GPAT4: variants seen among roughly 807,000 people sequenced by gnomAD.
GPAT4 encodes the protein glycerol-3-phosphate acyltransferase 4, also known as 1-AGP acyltransferase 6.
GPAT4 carries 17 observed loss-of-function variants against 58.0 expected under a neutral mutation model. The ratio of observed to expected loss-of-function variants is 0.29; its 90% CI spans 0.20 to 0.44. GPAT4 has a LOEUF of 0.44. GPAT4 is among the 20% of genes least tolerant of loss of function. The pLI, the probability that GPAT4 is intolerant of heterozygous loss-of-function variation, is 1.00. For missense variants in GPAT4, 377 were observed against 574.5 expected (o/e 0.66, Z 3.51); for synonymous variants, 204 against 210.1 (o/e 0.97, Z 0.25).
At chr8:41,606,580 C>T (rs554758426) in intron 2 of GPAT4, among the ~76,000 whole-genome samples, 184 of 152,204 alleles carry the variant, frequency 1.2e-3, no homozygotes, top group African/African-American at 3.3e-3. Context: ...AAAGAAAAGA[C>T]GTACAAATTT....
chr8:41,608,319 A>G (rs965525228), intron 2 of GPAT4, among the ~76,000 whole-genome samples: 2 of 152,242 alleles, frequency 1.3e-5, no homozygotes, highest in African/African-American at 4.8e-5. Flanking sequence ...GGCCACGTGC[A>G]TCTTCCCATG....
At chr8:41,601,317 T>C (rs376499792) in intron 2 of GPAT4, among the ~76,000 whole-genome samples, 14 of 151,880 alleles carry the variant, frequency 9.2e-5, no homozygotes, top group Non-Finnish European at 1.9e-4. Flanking sequence ...ATTTGAGGAG[T>C]AGTGATCTAG....
At position 41,611,897 on chromosome 8, in the gene GPAT4, T is replaced by C. The variant is rs759078357; in HGVS notation, c.612-6T>C. ...AAAACCCAGAATCCTTGTCCTGTTATTGCAGGTTTAAGGAGTTCATGAGTA... is the reference window on the plus strand; with the variant it reads ...AAAACCCAGAATCCTTGTCCTGTTACTGCAGGTTTAAGGAGTTCATGAGTA... On this transcript the variant is annotated splice_polypyrimidine_tract_variant and splice_region_variant and intron_variant, in intron 5 of 12. Coordinates refer to ENST00000396987, the MANE Select transcript of GPAT4 (RefSeq NM_178819.4). 3 of 1,613,796 alleles carry C rather than the reference T, an allele frequency of 1.9e-6. No individual in the cohort carries two copies. Among genetic ancestry groups the C allele is most frequent in the African/African-American group, 1.3e-5 (1 of 75,058 alleles).
At chr8:41,586,989 T>C (rs1802670684) in intron 1 of GPAT4, among the ~76,000 whole-genome samples, 1 of 152,194 alleles carries the variant, frequency 6.6e-6, no homozygotes, top group Admixed American at 6.5e-5. Flanking sequence ...GGAGAACCAG[T>C]GCAGCCTTTA....
At position 41,611,907 on chromosome 8, in the gene GPAT4, A is replaced by G; in HGVS notation, c.616A>G (p.Lys206Glu). The change falls in exon 6 of 13, where the codon AAG becomes GAG. Residue 206 changes from lysine to glutamate, a missense_variant. Coordinates refer to ENST00000396987, the MANE Select transcript of GPAT4 (RefSeq NM_178819.4). ...VVGYLPNGRFKEFMSKHVHLM... is the reference protein window; with the variant it reads ...VVGYLPNGRFEEFMSKHVHLM... ...ATCCTTGTCCTGTTATTGCAGGTTT[A>G]AGGAGTTCATGAGTAAACATGTTCA... 2 of 1,614,136 alleles carry G rather than the reference A, an allele frequency of 1.2e-6. No homozygotes were observed. Among genetic ancestry groups the G allele is most frequent in the Non-Finnish European group, 1.7e-6 (2 of 1,179,980 alleles).
chr8:41,609,343 A>C, intron 2 of GPAT4, 73 bp from the exon 3 acceptor site: 19 of 1,441,016 alleles, frequency 1.3e-5, no homozygotes, highest in Non-Finnish European at 1.7e-5. Context: ...TTCACAGAAT[A>C]GAGATGGAGG....
intron 2 of GPAT4, among the ~76,000 whole-genome samples, chr8:41,605,400 T>A (rs1214950113): frequency 6.6e-6 from 1 of 152,244 alleles, no homozygotes; most frequent in African/African-American, 2.4e-5. Context: ...GGATAGAGCA[T>A]TCTAGAAGCA....
At chr8:41,608,884 G>C (rs1803358259) in intron 2 of GPAT4, among the ~76,000 whole-genome samples, 1 of 152,096 alleles carries the variant, frequency 6.6e-6, no homozygotes. Flanking sequence ...CCACTCCCAG[G>C]CCTTTCAGTG....
chr8:41,581,571 C>A (rs1802508391), intron 1 of GPAT4, among the ~76,000 whole-genome samples: 1 of 151,920 alleles, frequency 6.6e-6, no homozygotes, highest in Non-Finnish European at 1.5e-5. Flanking sequence ...CCCGCCTCAG[C>A]CTCCCAAAGG....
intron 1 of GPAT4, among the ~76,000 whole-genome samples, chr8:41,595,287 G>A (rs1272367522): frequency 7.0e-6 from 1 of 143,018 alleles, no homozygotes; most frequent in African/African-American, 2.6e-5. Context: ...GAAACCTGCT[G>A]GGTTAAGGGA....
rs747159361 is a variant in GPAT4, at chr8:41,615,007, A to G, written c.1012A>G (p.Ser338Gly). ...NTSVMMFKKG[S>G]FEIGATVYPV... Reference sequence around the variant, plus strand: ...ATCGGTGATGATGTTCAAAAAGGGAAGTTTTGAAATTGGAGCCACAGTTTA... The same window carrying G: ...ATCGGTGATGATGTTCAAAAAGGGAGGTTTTGAAATTGGAGCCACAGTTTA... The change falls in exon 10 of 13, where the codon AGT becomes GGT. Residue 338 changes from serine to glycine, a missense_variant. Coordinates refer to ENST00000396987, the MANE Select transcript of GPAT4 (RefSeq NM_178819.4). 5.6e-6 allele frequency: 9 copies of G among 1,614,120 alleles called. No individual in the cohort carries two copies. The South Asian group carries it at 8.8e-5, about 16-fold the overall frequency.
intron 1 of GPAT4, among the ~76,000 whole-genome samples, chr8:41,597,044 G>A (rs1368227466): frequency 2.6e-5 from 4 of 152,158 alleles, no homozygotes; most frequent in Non-Finnish European, 5.9e-5. Flanking sequence ...TTTCCATACA[G>A]TGTCTGAAAT....
At chr8:41,602,237 C>T (rs145278288) in intron 2 of GPAT4, among the ~76,000 whole-genome samples, 5 of 152,314 alleles carry the variant, frequency 3.3e-5, no homozygotes, top group East Asian at 3.9e-4. Context: ...GGATTACAGG[C>T]GTGAGCCACC....
intron 1 of GPAT4, among the ~76,000 whole-genome samples, chr8:41,589,449 G>A (rs1585651456): frequency 6.6e-6 from 1 of 152,296 alleles, no homozygotes; most frequent in East Asian, 1.9e-4. Context: ...CATGAGTGCA[G>A]ACTCTTCCTA....
rs1276559899 is a variant in GPAT4, at chr8:41,621,045, G to C, written c.*44G>C. 6.5e-7 allele frequency: 1 copy of C among 1,549,300 alleles called. No homozygotes were observed. Among genetic ancestry groups the C allele is most frequent in the Non-Finnish European group, 8.7e-7 (1 of 1,146,592 alleles). ...GGGGCCACCGTGCGGGGTGCCAACGGGCTCAGAGCTGGAGTTGCCGCCGCC... is the reference window on the plus strand; with the variant it reads ...GGGGCCACCGTGCGGGGTGCCAACGCGCTCAGAGCTGGAGTTGCCGCCGCC... On this transcript the variant is annotated 3_prime_UTR_variant, in exon 13 of 13. Coordinates refer to ENST00000396987, the MANE Select transcript of GPAT4 (RefSeq NM_178819.4).
intron 2 of GPAT4, among the ~76,000 whole-genome samples, chr8:41,603,278 G>A (rs1803154291): frequency 6.6e-6 from 1 of 152,140 alleles, no homozygotes; most frequent in South Asian, 2.1e-4. Flanking sequence ...TGTAATCCCG[G>A]CACTTTGGGA....
chr8:41,599,526 A>G (rs1290305683), intron 2 of GPAT4, among the ~76,000 whole-genome samples: 2 of 152,322 alleles, frequency 1.3e-5, no homozygotes, highest in African/African-American at 4.8e-5. Context: ...ATGACTCCAC[A>G]TGTTGCCTGT....
intron 1 of GPAT4, among the ~76,000 whole-genome samples, chr8:41,586,723 G>A (rs907263509): frequency 6.6e-6 from 1 of 152,054 alleles, no homozygotes; most frequent in Non-Finnish European, 1.5e-5. Flanking sequence ...CCTCTCTTAT[G>A]AATGTGATCC....
chr8:41,582,269 G>C (rs1585645030), intron 1 of GPAT4, among the ~76,000 whole-genome samples: 1 of 152,188 alleles, frequency 6.6e-6, no homozygotes, highest in East Asian at 1.9e-4. Flanking sequence ...CTCCCAAAGT[G>C]CTGGGATTAC....
Sources: allele counts gnomAD v4.1 joint callset (sites outside exome capture counted in the v4.1 genomes callset), GRCh38; gene constraint gnomAD v4.1.1; transcripts MANE v1.5; gene names NCBI Gene and HGNC (gene_info 2026-07-23, HGNC 2026-07-21).